The following PDZD2 variants were observed in gnomAD, a reference collection of about 807,000 sequenced individuals.
The protein encoded by PDZD2 is PDZ domain containing 2.
A neutral mutation model predicts 220.7 loss-of-function variants in PDZD2; 90 were observed. That is an observed-to-expected ratio of 0.41 (90% CI 0.34 to 0.49). The LOEUF is 0.49. Ranked by LOEUF, PDZD2 falls within the 20% of genes least tolerant of loss-of-function variation. The probability of loss-of-function intolerance (pLI) is 0.28; values close to 1 mark genes in which losing one functional copy is unlikely to be tolerated. For missense variants in PDZD2, 3,174 were observed against 3,608.5 expected, an observed-to-expected ratio of 0.88 and a Z score of 3.08; for synonymous variants, 1,375 against 1,450.5, an observed-to-expected ratio of 0.95 and a Z score of 1.18.
At chr5:32,060,711 ATAT>A (rs977793890) in intron 13 of PDZD2, among the ~76,000 whole-genome samples, 15 of 146,340 alleles carry the variant, frequency 1.0e-4, no homozygotes. Flanking sequence ...GGCATATAGT[ATAT>A]GCTCAAAATA....
Position 31,788,390 on chromosome 5 carries a change from G to A in PDZD2, c.-360-10499G>A, listed in dbSNP as rs1753501768. 2.0e-5 allele frequency among the ~76,000 whole-genome samples: 3 copies of A among 151,316 alleles called. No individual in the cohort carries two copies. The South Asian group carries it at 6.3e-4, about 32-fold the overall frequency. ...TCGTCTCAAAAATAAAAAAGGCCGGGCACAGTGGCTCACGCCTGTAATCCC... is the reference window on the plus strand; with the variant it reads ...TCGTCTCAAAAATAAAAAAGGCCGGACACAGTGGCTCACGCCTGTAATCCC... On this transcript the variant is annotated intron_variant, in intron 1 of 24. Transcript: ENST00000438447.
At chr5:31,849,839 ATCTC>A (rs1176765212) in intron 2 of PDZD2, among the ~76,000 whole-genome samples, 6 of 136,648 alleles carry the variant, frequency 4.4e-5, no homozygotes, top group East Asian at 2.1e-4. Context: ...GTGAGACTCC[ATCTC>A]TCTCTCTCTC....
intron 1 of PDZD2, among the ~76,000 whole-genome samples, chr5:31,695,264 C>A (rs1025233833): frequency 2.6e-5 from 4 of 152,188 alleles, no homozygotes; most frequent in Non-Finnish European, 4.4e-5. Flanking sequence ...TTCCTGGGTG[C>A]CCCCGGCTCA....
At chr5:31,976,339 T>C (rs1310060833) in intron 2 of PDZD2, among the ~76,000 whole-genome samples, 3 of 152,130 alleles carry the variant, frequency 2.0e-5, no homozygotes, top group Non-Finnish European at 2.9e-5. Context: ...GCTTAGCAGG[T>C]TTTCAAAAGA....
Position 31,803,162 on chromosome 5 carries a change from G to A in PDZD2, c.476+3438G>A, listed in dbSNP as rs182463655. Among the ~76,000 whole-genome samples the A allele has an allele frequency of 4.4e-3, 651 of 147,486 alleles. 7 individuals carry two copies. The highest frequency in any genetic ancestry group is 7.4e-3 in the Non-Finnish European group (494 of 66,760). On this transcript the variant is annotated intron_variant, in intron 2 of 24. Coordinates refer to ENST00000438447, the MANE Select transcript of PDZD2 (RefSeq NM_178140.4). ...ACCCAGGCTGGAGTGCAGAGCCACAGTCATAGCTCACTGCAGCCTTGAACT... is the reference window on the plus strand; with the variant it reads ...ACCCAGGCTGGAGTGCAGAGCCACAATCATAGCTCACTGCAGCCTTGAACT...
At chr5:31,842,996 C>G (rs1249567378) in intron 2 of PDZD2, among the ~76,000 whole-genome samples, 2 of 151,864 alleles carry the variant, frequency 1.3e-5, no homozygotes, top group Non-Finnish European at 2.9e-5. Context: ...ATTCTCCTGT[C>G]TCAGCCTCCC....
At chr5:31,921,460 G>C (rs767154221) in intron 2 of PDZD2, among the ~76,000 whole-genome samples, 4 of 152,078 alleles carry the variant, frequency 2.6e-5, no homozygotes, top group Admixed American at 6.6e-5. Flanking sequence ...AAGGCAAGTG[G>C]ATCACTTGAG....
chr5:31,763,742 G>A (rs1208546774), intron 1 of PDZD2, among the ~76,000 whole-genome samples: 1 of 151,938 alleles, frequency 6.6e-6, no homozygotes, highest in Non-Finnish European at 1.5e-5. Flanking sequence ...CCTCAGGTGA[G>A]CGCTTCACCA....
chr5:31,704,050 T>A (rs995547338), intron 1 of PDZD2, among the ~76,000 whole-genome samples: 1 of 151,696 alleles, frequency 6.6e-6, no homozygotes, highest in Admixed American at 6.6e-5. Context: ...TCTTGCTGTA[T>A]CACCCAGGCT....
chr5:31,877,093 A>G (rs566455820), intron 2 of PDZD2, among the ~76,000 whole-genome samples: 1 of 152,312 alleles, frequency 6.6e-6, no homozygotes, highest in South Asian at 2.1e-4. Flanking sequence ...ATAAATGATG[A>G]TTGTTACTCT....
At chr5:31,940,530 G>T (rs1279489243) in intron 2 of PDZD2, among the ~76,000 whole-genome samples, 1 of 152,176 alleles carries the variant, frequency 6.6e-6, no homozygotes, top group Non-Finnish European at 1.5e-5. Flanking sequence ...TGCAGCAGAG[G>T]AACTTGGTCC....
intron 13 of PDZD2, among the ~76,000 whole-genome samples, chr5:32,060,759 T>C (rs189571001): frequency 1.7e-3 from 260 of 152,388 alleles, no homozygotes; most frequent in Non-Finnish European, 2.7e-3. Context: ...TTATCAATTT[T>C]ATTTGACTTT....
intron 6 of PDZD2, among the ~76,000 whole-genome samples, chr5:32,018,670 T>C (rs1270163157): frequency 6.6e-6 from 1 of 152,206 alleles, no homozygotes; most frequent in Non-Finnish European, 1.5e-5. Context: ...GTGCATTTTC[T>C]CCCCACTGTC....
At chr5:31,817,564 A>G (rs2150250449) in intron 2 of PDZD2, among the ~76,000 whole-genome samples, 1 of 152,318 alleles carries the variant, frequency 6.6e-6, no homozygotes, top group Non-Finnish European at 1.5e-5. Flanking sequence ...TCACATCCCA[A>G]AATGTTAAAC....
Position 31,983,641 on chromosome 5 carries a change from T to G in PDZD2, c.963T>G (p.Ser321Arg). The G allele has an allele frequency of 6.2e-7, 1 of 1,613,418 alleles. No individual in the cohort carries two copies. The highest frequency in any genetic ancestry group is 8.5e-7 in the Non-Finnish European group (1 of 1,179,488). Residue 321 changes from serine (S) to arginine (R), a missense_variant, in exon 3 of 25, where the codon AGT becomes AGG. By Grantham distance (110) the Ser-to-Arg change is moderately radical. Transcript: ENST00000438447. ...SKGGKTDFQS[S>R]DCLAREEVGR... ...GTGGGAAGACGGACTTCCAATCGAGTGACTGCCTGGCACGGGTAAGGTTTG... is the reference window on the plus strand; with the variant it reads ...GTGGGAAGACGGACTTCCAATCGAGGGACTGCCTGGCACGGGTAAGGTTTG...
chr5:31,820,706 A>AT (rs1755787516), intron 2 of PDZD2: 2 of 152,096 alleles, frequency 1.3e-5, no homozygotes, highest in Admixed American at 1.3e-4. Context: ...GAGTGAAGGT[A>AT]TTAAATCAAA....
At chr5:31,845,569 T>C (rs552784391) in intron 2 of PDZD2, among the ~76,000 whole-genome samples, 1 of 152,178 alleles carries the variant, frequency 6.6e-6, no homozygotes, top group Non-Finnish European at 1.5e-5. Flanking sequence ...CTTTGCATAT[T>C]TGTGGGCAAA....
chr5:31,934,347 C>T (rs912776758), intron 2 of PDZD2, among the ~76,000 whole-genome samples: 3 of 152,082 alleles, frequency 2.0e-5, no homozygotes, highest in Admixed American at 2.0e-4. Flanking sequence ...TGAATGCACA[C>T]AAAAAATGTG....
chr5:32,069,728 G>A (rs775737658), intron 15 of PDZD2, 78 bp downstream of exon 15: 32 of 745,938 alleles, frequency 4.3e-5, no homozygotes, highest in Admixed American at 8.5e-5. Flanking sequence ...CCCCAGTGCA[G>A]TATTATTGGA....
Sources: gnomAD v4.1 joint callset for allele counts (sites outside exome capture counted in the v4.1 genomes callset) on GRCh38, gnomAD v4.1.1 for gene constraint, MANE v1.5 for transcripts, NCBI Gene and HGNC (gene_info 2026-07-23, HGNC 2026-07-21) for gene names.